HIP1: variants seen among roughly 807,000 people sequenced by gnomAD.
HIP1 encodes huntingtin-interacting protein 1.
A neutral mutation model predicts 147.6 loss-of-function variants in HIP1; 65 were observed. The ratio of observed to expected loss-of-function variants is 0.44; its 90% CI spans 0.36 to 0.54. HIP1 has a LOEUF of 0.54. HIP1 is among the 20% of genes least tolerant of loss of function. The pLI is 0.00. For synonymous variants in HIP1, 479 were observed against 504.0 expected, an observed-to-expected ratio of 0.95 and a Z score of 0.67; for missense variants, 1,061 against 1,299.6, an observed-to-expected ratio of 0.82 and a Z score of 2.82.
At chr7:75,651,158 G>C (rs1798967522) in intron 1 of HIP1, among the ~76,000 whole-genome samples, 1 of 151,776 alleles carries the variant, frequency 6.6e-6, no homozygotes, top group South Asian at 2.1e-4. Flanking sequence ...AACGGGGGAG[G>C]GTGAGAGGGT....
intron 5 of HIP1, among the ~76,000 whole-genome samples, chr7:75,582,377 G>A (rs1199533335): frequency 6.6e-6 from 1 of 152,052 alleles, no homozygotes; most frequent in Non-Finnish European, 1.5e-5. Flanking sequence ...AAGAAAAATC[G>A]CTGGTATCAT....
intron 1 of HIP1, among the ~76,000 whole-genome samples, chr7:75,735,182 C>T (rs1388203497): frequency 6.6e-6 from 1 of 152,188 alleles, no homozygotes; most frequent in African/African-American, 2.4e-5. Flanking sequence ...TAGACAACTT[C>T]CCAGAGACCA....
intron 1 of HIP1, among the ~76,000 whole-genome samples, chr7:75,600,003 T>G (rs1291787861): frequency 6.6e-6 from 1 of 150,684 alleles, no homozygotes; most frequent in African/African-American, 2.4e-5. Flanking sequence ...ACCCGGCTAA[T>G]TTTTGTATTT....
At chr7:75,616,085 C>CAAAAAAAAAAAAAAAAAAAAAAAA (rs71098042) in intron 1 of HIP1, among the ~76,000 whole-genome samples, 7 of 35,308 alleles carry the variant, frequency 2.0e-4, no homozygotes, top group East Asian at 7.9e-4. Context: ...GACTCTGTCT[C>CAAAAAAAAAAAAAAAAAAAAAAAA]AAAAAAAAAA....
At chr7:75,579,113 C>G (rs114155114) in intron 7 of HIP1, among the ~76,000 whole-genome samples, 1 of 151,752 alleles carries the variant, frequency 6.6e-6, no homozygotes, top group Non-Finnish European at 1.5e-5. Context: ...CCACTGCGCC[C>G]GGCCCCAATG....
intron 1 of HIP1, among the ~76,000 whole-genome samples, chr7:75,662,178 TTTTGTTTG>T (rs1224379414): frequency 6.6e-6 from 1 of 151,836 alleles, no homozygotes; most frequent in African/African-American, 2.4e-5. Context: ...TCTCCACTAT[TTTTGTTTG>T]TTTGTTTGTT....
intron 5 of HIP1, among the ~76,000 whole-genome samples, chr7:75,584,726 C>T (rs587739340): frequency 6.6e-6 from 1 of 152,272 alleles, no homozygotes; most frequent in Non-Finnish European, 1.5e-5. Flanking sequence ...TGCCCCAGCT[C>T]CCATCCCAGT....
At chr7:75,600,722 T>C (rs1796942548) in intron 1 of HIP1, among the ~76,000 whole-genome samples, 1 of 152,208 alleles carries the variant, frequency 6.6e-6, no homozygotes, top group Non-Finnish European at 1.5e-5. Flanking sequence ...CGGAAAATTC[T>C]GCAAAGGGGC....
chr7:75,596,235 CAA>C (rs10658504), intron 2 of HIP1, among the ~76,000 whole-genome samples: 24 of 59,582 alleles, frequency 4.0e-4, no homozygotes, highest in African/African-American at 4.6e-4. Flanking sequence ...GACCCTGCCT[CAA>C]AAAAAAAAAA....
At chr7:75,587,425 TCTTG>T (rs1395101026) in intron 4 of HIP1, among the ~76,000 whole-genome samples, 1 of 152,252 alleles carries the variant, frequency 6.6e-6, no homozygotes, top group East Asian at 1.9e-4. Context: ...AATCTATTTT[TCTTG>T]CTTAATATGC....
chr7:75,737,176 T>G (rs1802049254), intron 1 of HIP1, among the ~76,000 whole-genome samples: 1 of 152,158 alleles, frequency 6.6e-6, no homozygotes, highest in Non-Finnish European at 1.5e-5. Flanking sequence ...TCCTCCCACC[T>G]TGGCCTCCCA....
intron 14 of HIP1, among the ~76,000 whole-genome samples, chr7:75,559,489 C>T (rs782491487): frequency 6.6e-6 from 1 of 152,192 alleles, no homozygotes; most frequent in Non-Finnish European, 1.5e-5. Flanking sequence ...CCAGGGCAAG[C>T]ACTTCAGTGC....
At chr7:75,699,710 C>T (rs1800756151) in intron 1 of HIP1, among the ~76,000 whole-genome samples, 1 of 152,206 alleles carries the variant, frequency 6.6e-6, no homozygotes, top group Admixed American at 6.6e-5. Flanking sequence ...GTCCTTCAAG[C>T]CCCTGATCCG....
chr7:75,669,578 ACAAAAC>A (rs1386443217), intron 1 of HIP1, among the ~76,000 whole-genome samples: 3 of 99,816 alleles, frequency 3.0e-5, no homozygotes, highest in Non-Finnish European at 6.2e-5. Context: ...ACAAAACAAA[ACAAAAC>A]AAGAAACACC....
intron 1 of HIP1, among the ~76,000 whole-genome samples, chr7:75,673,818 T>C (rs1386023125): frequency 1.2e-4 from 4 of 33,764 alleles, no homozygotes; most frequent in Non-Finnish European, 2.3e-4. Flanking sequence ...GCCCTATCTC[T>C]ACAAAAAAAA....
At chr7:75,601,954 C>T (rs1796996705) in intron 1 of HIP1, among the ~76,000 whole-genome samples, 1 of 151,664 alleles carries the variant, frequency 6.6e-6, no homozygotes, top group African/African-American at 2.4e-5. Context: ...AAAACTTTGA[C>T]CCAGTAATCT....
chr7:75,555,650 T>C, intron 18 of HIP1, 99 bp from the exon 19 acceptor site: 3 of 1,333,274 alleles, frequency 2.3e-6, no homozygotes, highest in Non-Finnish European at 2.1e-6. Flanking sequence ...GCTCAAGTCA[T>C]GGCCAATGAG....
At chr7:75,660,295 G>A (rs1355900948) in intron 1 of HIP1, among the ~76,000 whole-genome samples, 9 of 151,654 alleles carry the variant, frequency 5.9e-5, no homozygotes, top group Non-Finnish European at 1.2e-4. Context: ...GGGAGGCTGA[G>A]GTGGGTGGAT....
intron 1 of HIP1, among the ~76,000 whole-genome samples, chr7:75,665,611 C>T (rs1009799838): frequency 6.6e-6 from 1 of 151,778 alleles, no homozygotes; most frequent in Non-Finnish European, 1.5e-5. Context: ...GTGATCTCAG[C>T]TTACTGCAAC....
Sources: gnomAD v4.1 joint callset for allele counts (sites outside exome capture counted in the v4.1 genomes callset) on GRCh38, gnomAD v4.1.1 for gene constraint, MANE v1.5 for transcripts, NCBI Gene and HGNC (gene_info 2026-07-23, HGNC 2026-07-21) for gene names.